Variants in ZNF536 observed in about 807,000 individuals in gnomAD.
ZNF536 encodes the protein zinc finger protein 536.
A neutral mutation model predicts 84.5 loss-of-function variants in ZNF536; 13 were observed. That is an observed-to-expected ratio of 0.15 (90% confidence interval 0.10 to 0.24). The LOEUF (loss-of-function observed/expected upper bound fraction) is 0.24. Among genes scored for constraint, ZNF536 ranks in the 10% least tolerant of loss-of-function variants. ZNF536 has a pLI of 1.00. For missense variants in ZNF536, 1,536 were observed against 1,747.5 expected, an observed-to-expected ratio of 0.88 and a Z score of 2.16; for synonymous variants, 811 against 742.5, an observed-to-expected ratio of 1.09 and a Z score of -1.50.
intron 1 of ZNF536, among the ~76,000 whole-genome samples, chr19:30,431,691 G>A (rs763196608): frequency 6.6e-6 from 1 of 152,188 alleles, no homozygotes; most frequent in Non-Finnish European, 1.5e-5. Context: ...TTTAATCAGG[G>A]GTAAAGGAGC....
intron 1 of ZNF536, among the ~76,000 whole-genome samples, chr19:30,642,578 C>T (rs939940286): frequency 3.9e-5 from 6 of 152,134 alleles, no homozygotes; most frequent in Admixed American, 3.3e-4. Context: ...AAACTCAAGG[C>T]GTGAGCTGAG....
intron 2 of ZNF536, among the ~76,000 whole-genome samples, chr19:30,492,079 G>A (rs926575820): frequency 5.3e-5 from 8 of 151,398 alleles, no homozygotes; most frequent in Admixed American, 2.0e-4. Context: ...ACAGAATGTG[G>A]GTTGTATTTT....
At chr19:30,406,304 G>A (rs749599362) in intron 1 of ZNF536, among the ~76,000 whole-genome samples, 10 of 152,176 alleles carry the variant, frequency 6.6e-5, no homozygotes, top group African/African-American at 2.2e-4. Context: ...AGTGGGAGAC[G>A]AGAGAGCGGA....
At chr19:30,350,772 A>G (rs2047906733) in intron 2 of ZNF536, among the ~76,000 whole-genome samples, 1 of 152,234 alleles carries the variant, frequency 6.6e-6, no homozygotes, top group Admixed American at 6.5e-5. Flanking sequence ...GTTCTGTGCC[A>G]CAAATATAAA....
Position 30,445,660 on chromosome 19 carries a change from G to T in ZNF536, c.2098G>T (p.Val700Phe), listed in dbSNP as rs969251122. Reference sequence around the variant, plus strand: ...CTCTAACGTCACCGAGGAGAGCGGGGTCGGAGGCGGCCTCTCCCAGACCGG... The same window carrying T: ...CTCTAACGTCACCGAGGAGAGCGGGTTCGGAGGCGGCCTCTCCCAGACCGG... ...GSSNVTEESGVGGGLSQTGSA... is the reference protein window; with the variant it reads ...GSSNVTEESGFGGGLSQTGSA... Residue 700 changes from valine (V) to phenylalanine (F), a missense_variant, in exon 2 of 5, where the codon GTC becomes TTC. Coordinates refer to ENST00000355537, the MANE Select transcript of ZNF536 (RefSeq NM_014717.3). The surrounding 1 kb of genome is among the most constrained non-coding windows in gnomAD (Gnocchi z 4.5). The T allele has an allele frequency of 6.2e-7, 1 of 1,609,516 alleles. No individual in the cohort carries two copies. Among genetic ancestry groups the T allele is most frequent in the Non-Finnish European group, 8.5e-7 (1 of 1,177,778 alleles).
At chr19:30,352,649 G>A (rs371926266) in intron 3 of ZNF536, among the ~76,000 whole-genome samples, 75 of 152,068 alleles carry the variant, frequency 4.9e-4, no homozygotes, top group East Asian at 4.5e-3. Context: ...TAGGAGTCCC[G>A]TACCTGCCCA....
At chr19:30,459,114 C>A (rs1399093863) in intron 2 of ZNF536, among the ~76,000 whole-genome samples, 1 of 152,134 alleles carries the variant, frequency 6.6e-6, no homozygotes, top group East Asian at 1.9e-4. Context: ...GTGAAGACTC[C>A]AGTGCTCAAT....
At chr19:30,390,596 T>G (rs1162822380) in intron 1 of ZNF536, among the ~76,000 whole-genome samples, 2 of 152,224 alleles carry the variant, frequency 1.3e-5, no homozygotes, top group Non-Finnish European at 2.9e-5. Flanking sequence ...GCCGGAGAGC[T>G]GGAAATCCAG....
At chr19:30,351,660 A>G (rs1484470994) in intron 2 of ZNF536, among the ~76,000 whole-genome samples, 4 of 152,216 alleles carry the variant, frequency 2.6e-5, no homozygotes, top group Non-Finnish European at 4.4e-5. Context: ...GAAACCCCTC[A>G]GTGGGAAAGC....
chr19:30,408,296 C>A (rs1020316358), intron 1 of ZNF536, among the ~76,000 whole-genome samples: 2 of 152,126 alleles, frequency 1.3e-5, no homozygotes, highest in Non-Finnish European at 2.9e-5. Flanking sequence ...AGTATAATTG[C>A]CCTAACCTTC....
chr19:30,650,816 A>T (rs551038690), intron 1 of ZNF536, among the ~76,000 whole-genome samples: 1 of 152,342 alleles, frequency 6.6e-6, no homozygotes, highest in African/African-American at 2.4e-5. Flanking sequence ...GCCCTCACCA[A>T]TGAAAATATG....
intron 2 of ZNF536, among the ~76,000 whole-genome samples, chr19:30,510,869 G>A (rs1015196649): frequency 1.3e-5 from 2 of 152,186 alleles, no homozygotes; most frequent in East Asian, 1.9e-4. Context: ...GACCTGAGAT[G>A]CTGATCAGCA....
chr19:30,533,529 A>AAAAAAG (rs1466729842), intron 2 of ZNF536, among the ~76,000 whole-genome samples: 2 of 152,206 alleles, frequency 1.3e-5, no homozygotes, highest in African/African-American at 2.4e-5. Context: ...CAAAAAAAAA[A>AAAAAAG]AAAAAGAATT....
At chr19:30,423,760 C>T (rs980679276) in intron 1 of ZNF536, among the ~76,000 whole-genome samples, 4 of 149,756 alleles carry the variant, frequency 2.7e-5, no homozygotes, top group East Asian at 4.0e-4. Flanking sequence ...CCGGGGGCTT[C>T]GGCAGGAGCA....
At chr19:30,559,644 C>T (rs543196059), downstream of ZNF536, among the ~76,000 whole-genome samples, 1 of 152,246 alleles carries the variant, frequency 6.6e-6, no homozygotes, top group East Asian at 1.9e-4. Flanking sequence ...TGGGATGGGG[C>T]CCAGAGGGGT....
intron 3 of ZNF536, among the ~76,000 whole-genome samples, chr19:30,360,259 G>T (rs1307005197): frequency 6.6e-6 from 1 of 152,220 alleles, no homozygotes; most frequent in Non-Finnish European, 1.5e-5. Flanking sequence ...CGGCTCCCTT[G>T]ATTTCTGTAC....
intron 1 of ZNF536, among the ~76,000 whole-genome samples, chr19:30,422,856 ACCAT>A (rs756085321): frequency 2.6e-3 from 315 of 119,476 alleles, no homozygotes; most frequent in African/African-American, 7.0e-3. Flanking sequence ...CATCCATCCA[ACCAT>A]CCATCCATCC....
chr19:30,628,451 CAG>C (rs773166483), intron 1 of ZNF536, among the ~76,000 whole-genome samples: 12 of 139,768 alleles, frequency 8.6e-5, no homozygotes, highest in East Asian at 2.2e-4. Flanking sequence ...TTTTTTGAGA[CAG>C]AGTCTCGCTC....
At chr19:30,644,631 C>T (rs562058943) in intron 1 of ZNF536, among the ~76,000 whole-genome samples, 2 of 152,182 alleles carry the variant, frequency 1.3e-5, no homozygotes, top group South Asian at 4.1e-4. Flanking sequence ...GTTTTTTGTC[C>T]TTGCGATAGT....
Sources: allele counts gnomAD v4.1 joint callset (sites outside exome capture counted in the v4.1 genomes callset), GRCh38; gene constraint gnomAD v4.1.1; non-coding constraint Gnocchi (gnomAD v3.1); transcripts MANE v1.5; gene names NCBI Gene and HGNC (gene_info 2026-07-23, HGNC 2026-07-21).